The following PAN3 variants were observed in gnomAD, a reference collection of about 807,000 sequenced individuals.
PAN3 encodes PAN2-PAN3 deadenylation complex subunit PAN3.
In PAN3, 19 loss-of-function variants were observed where a neutral mutation model predicts 96.2. That is an observed-to-expected ratio of 0.20 (90% CI 0.14 to 0.29). PAN3 has a LOEUF of 0.29. Among genes scored for constraint, PAN3 ranks in the 10% least tolerant of loss-of-function variants. The pLI, the probability that PAN3 is intolerant of heterozygous loss-of-function variation, is 1.00. For missense variants in PAN3, 882 were observed against 1,108.1 expected (o/e 0.80, Z 2.90); for synonymous variants, 433 against 406.6 (o/e 1.06, Z -0.78).
intron 4 of PAN3, among the ~76,000 whole-genome samples, chr13:28,191,839 A>T (rs1877298006): frequency 6.6e-6 from 1 of 152,246 alleles, no homozygotes. Flanking sequence ...TCCTGGGCTC[A>T]AGCGATGCTC....
At chr13:28,206,545 C>T (rs1879386649) in intron 5 of PAN3, among the ~76,000 whole-genome samples, 1 of 151,962 alleles carries the variant, frequency 6.6e-6, no homozygotes, top group South Asian at 2.1e-4. Context: ...TGGTCTCGAA[C>T]TCCTGACCTC....
chr13:28,166,249 C>A (rs1455967735), intron 1 of PAN3, among the ~76,000 whole-genome samples: 1 of 152,110 alleles, frequency 6.6e-6, no homozygotes, highest in East Asian at 1.9e-4. Flanking sequence ...GTAGGACAGA[C>A]ACAGGATAGA....
intron 6 of PAN3, among the ~76,000 whole-genome samples, chr13:28,235,302 G>A (rs1398648385): frequency 1.3e-5 from 2 of 152,002 alleles, no homozygotes; most frequent in African/African-American, 4.8e-5. Flanking sequence ...CTCTTCCCCT[G>A]TTTACTTCCT....
rs1031255873 is a variant in PAN3, at chr13:28,218,649, C to T, written c.853-1582C>T. Among the ~76,000 whole-genome samples the T allele has an allele frequency of 3.3e-5, 5 of 152,048 alleles. No homozygotes were observed. The East Asian group carries it at 9.6e-4, about 29-fold the overall frequency. On this transcript the variant is annotated intron_variant, in intron 5 of 18. Coordinates refer to ENST00000380958, the MANE Select transcript of PAN3 (RefSeq NM_175854.8). ...AGAATGGACCTTCCCCTCTTTTTTC[C>T]CCTTTACAGGGTCTCAAAAATAATA...
chr13:28,269,560 A>C (rs530620101), intron 12 of PAN3, among the ~76,000 whole-genome samples: 2 of 152,180 alleles, frequency 1.3e-5, no homozygotes, highest in African/African-American at 4.8e-5. Context: ...GAATGAGTCT[A>C]TATCAGTAAA....
intron 18 of PAN3, among the ~76,000 whole-genome samples, chr13:28,291,593 G>A (rs1291182367): frequency 6.6e-6 from 1 of 152,226 alleles, no homozygotes; most frequent in East Asian, 1.9e-4. Flanking sequence ...ACTTTGGGAG[G>A]CCGAGGCGGG....
intron 1 of PAN3, among the ~76,000 whole-genome samples, chr13:28,165,646 T>TTAGTTCATTTCTGC (rs1374059699): frequency 1.3e-5 from 2 of 152,192 alleles, no homozygotes; most frequent in African/African-American, 4.8e-5. Flanking sequence ...CTATAGTGTC[T>TTAGTTCATTTCTGC]TAGTTCATTT....
chr13:28,160,717 G>C (rs1872784676), intron 1 of PAN3, among the ~76,000 whole-genome samples: 1 of 152,160 alleles, frequency 6.6e-6, no homozygotes, highest in African/African-American at 2.4e-5. Context: ...TAATTTATCA[G>C]AACTAGGGTT....
intron 1 of PAN3, among the ~76,000 whole-genome samples, chr13:28,151,622 A>C (rs1242247316): frequency 6.6e-6 from 1 of 152,204 alleles, no homozygotes; most frequent in Non-Finnish European, 1.5e-5. Context: ...AGGTTACAGC[A>C]TTGAAAATGG....
At chr13:28,271,479 G>GC (rs892841226) in intron 13 of PAN3, among the ~76,000 whole-genome samples, 11 of 152,134 alleles carry the variant, frequency 7.2e-5, no homozygotes, top group African/African-American at 2.7e-4. Context: ...CTGTCGATAT[G>GC]CCGTTGAACA....
At chr13:28,146,885 G>A (rs971620485) in intron 1 of PAN3, among the ~76,000 whole-genome samples, 1 of 152,028 alleles carries the variant, frequency 6.6e-6, no homozygotes, top group Non-Finnish European at 1.5e-5. Context: ...TGAGGCAGGA[G>A]AATTGCTTGA....
At chr13:28,287,763 A>T (rs1049891424) in intron 17 of PAN3, among the ~76,000 whole-genome samples, 1 of 152,244 alleles carries the variant, frequency 6.6e-6, no homozygotes, top group Non-Finnish European at 1.5e-5. Context: ...TAAAATAGGA[A>T]TGCATAAGGG....
intron 17 of PAN3, among the ~76,000 whole-genome samples, chr13:28,287,302 G>A (rs1869108656): frequency 6.6e-6 from 1 of 152,058 alleles, no homozygotes; most frequent in South Asian, 2.1e-4. Flanking sequence ...AATGGGAATT[G>A]TATCACAGTT....
intron 4 of PAN3, among the ~76,000 whole-genome samples, chr13:28,185,622 T>G (rs1876357396): frequency 6.6e-6 from 1 of 152,012 alleles, no homozygotes; most frequent in African/African-American, 2.4e-5. Context: ...TTTTTAAAGG[T>G]GTGTGTGGTA....
At chr13:28,141,922 T>G (rs1869908078) in intron 1 of PAN3, among the ~76,000 whole-genome samples, 1 of 152,180 alleles carries the variant, frequency 6.6e-6, no homozygotes, top group Admixed American at 6.5e-5. Flanking sequence ...ATAACTGAGA[T>G]ATAGGGACTC....
intron 6 of PAN3, among the ~76,000 whole-genome samples, chr13:28,238,592 G>A (rs1404423099): frequency 1.3e-5 from 2 of 152,094 alleles, no homozygotes; most frequent in East Asian, 3.9e-4. Context: ...TTTTAATTAG[G>A]ATAGATTTTC....
At chr13:28,263,288 G>A (rs572883388) in intron 9 of PAN3, among the ~76,000 whole-genome samples, 2 of 152,286 alleles carry the variant, frequency 1.3e-5, no homozygotes, top group South Asian at 2.1e-4. Flanking sequence ...TGGCAAATAA[G>A]TGGGGGAAAA....
At chr13:28,150,188 A>T (rs772891525) in intron 1 of PAN3, among the ~76,000 whole-genome samples, 3 of 152,148 alleles carry the variant, frequency 2.0e-5, no homozygotes, top group Non-Finnish European at 4.4e-5. Flanking sequence ...ATGCTGTGAC[A>T]ATATGTCAGC....
In PAN3 at chr13:28,138,874, G is replaced by T. The variant is rs1487265575; in HGVS notation, c.217G>T (p.Ala73Ser). 2.1e-6 allele frequency: 3 copies of T among 1,420,054 alleles called. No individual in the cohort carries two copies. The highest frequency in any genetic ancestry group is 2.7e-6 in the Non-Finnish European group (3 of 1,090,944). The allele number at this position is 1,420,054 out of a possible 1,614,324, so 88.0% of individuals were successfully genotyped here. The change falls in exon 1 of 19, where the codon GCC becomes TCC. Residue 73 changes from alanine to serine, a missense_variant. This residue lies in a region of PAN3 where 442 missense variants were observed against 422.8 expected (regional missense o/e 1.05). Coordinates refer to ENST00000380958, the MANE Select transcript of PAN3 (RefSeq NM_175854.8). ...ECQFLHEDPA[A>S]GAAPGLGLHS... is the part of the protein sequence containing the mutation. ...TCAGTTCCTGCATGAGGACCCTGCC[G>T]CCGGGGCTGCCCCGGGCCTCGGCCT...
Sources: gnomAD v4.1 joint callset for allele counts (sites outside exome capture counted in the v4.1 genomes callset) on GRCh38, gnomAD v4.1.1 for gene constraint, gnomAD v4.1.1 regional missense constraint, MANE v1.5 for transcripts, NCBI Gene and HGNC (gene_info 2026-07-23, HGNC 2026-07-21) for gene names.